Variants in NCF4 observed in about 807,000 individuals in gnomAD.
The protein encoded by NCF4 is neutrophil cytosol factor 4.
NCF4 carries 30 observed loss-of-function variants against 41.7 expected under a neutral mutation model. The observed-to-expected ratio is 0.72, with a 90% CI of 0.54 to 0.97. NCF4 has a LOEUF of 0.97. Among genes scored for constraint, NCF4 ranks in the 50% least tolerant of loss-of-function variants. The pLI is 0.00. For missense variants in NCF4, 432 were observed against 460.9 expected (o/e 0.94, Z 0.57); for synonymous variants, 195 against 175.8 (o/e 1.11, Z -0.87).
chr22:36,877,871 A>G lies in NCF4; in HGVS notation c.*48A>G, dbSNP rs748451564. 3 of 1,555,194 alleles carry G rather than the reference A, an allele frequency of 1.9e-6. No individual in the cohort carries two copies. Among genetic ancestry groups the G allele is most frequent in the Non-Finnish European group, 2.6e-6 (3 of 1,141,904 alleles). ...TGAGGGGACACCAGCAAAAACCTTC[A>G]GCTCTCAGAGGAGATTGGGACCAGG... On this transcript the variant is annotated 3_prime_UTR_variant, in exon 10 of 10. Coordinates refer to ENST00000248899, the MANE Select transcript of NCF4 (RefSeq NM_000631.5).
chr22:36,864,892 C>G, intron 2 of NCF4, 27 bp from the exon 3 acceptor site: 3 of 1,613,796 alleles, frequency 1.9e-6, no homozygotes, highest in Non-Finnish European at 2.5e-6. Context: ...GCCCCTGAGC[C>G]CTCCCCACAA....
rs1349928484 is a variant in NCF4, at chr22:36,865,919, A to G, written c.271+847A>G. On this transcript the variant is annotated intron_variant, in intron 3 of 9. Coordinates refer to ENST00000248899, the MANE Select transcript of NCF4 (RefSeq NM_000631.5). The surrounding 1 kb of genome is among the most constrained non-coding windows in gnomAD (Gnocchi z 4.3). ...GAAGCTCCCCCTAGGAGTCTTGCCTACTCTAAGCCAGCCTCCCCTCTCAGG... is the reference window on the plus strand; with the variant it reads ...GAAGCTCCCCCTAGGAGTCTTGCCTGCTCTAAGCCAGCCTCCCCTCTCAGG... Among the ~76,000 whole-genome samples the G allele has an allele frequency of 6.6e-6, 1 of 151,368 alleles. No homozygotes were observed. The highest frequency in any genetic ancestry group is 1.5e-5 in the Non-Finnish European group (1 of 67,824).
intron 6 of NCF4, chr22:36,872,104 C>G: frequency 1.4e-6 from 1 of 709,274 alleles, no homozygotes; most frequent in Non-Finnish European, 2.6e-6. Context: ...TGTGTGCTCA[C>G]CCCCACCAGG....
chr22:36,871,905 T>C (rs1013166732), intron 6 of NCF4, among the ~76,000 whole-genome samples, 196 bp downstream of exon 6: 8 of 152,356 alleles, frequency 5.3e-5, no homozygotes, highest in Admixed American at 4.6e-4. Flanking sequence ...GGAGGGCATG[T>C]GACCAGCGTG....
rs10671614 is a variant in NCF4, at chr22:36,867,142, T to TGTGTGC, written c.272-249_272-248insTGTGCG. On this transcript the variant is annotated intron_variant, in intron 3 of 9. Coordinates refer to ENST00000248899, the MANE Select transcript of NCF4 (RefSeq NM_000631.5). ...GTGTGTGTGTGTGTGTGTGTGTGTGTGCGCTTGGATGAACAGGCAGTAAAT... is the reference window on the plus strand; with the variant it reads ...GTGTGTGTGTGTGTGTGTGTGTGTGTGTGTGCGCGCTTGGATGAACAGGCAGTAAAT... Among the ~76,000 whole-genome samples, 145 of 150,654 alleles carry TGTGTGC rather than the reference T, an allele frequency of 9.6e-4. 1 individual carries two copies. Among genetic ancestry groups the TGTGTGC allele is most frequent in the South Asian group, 4.4e-3 (21 of 4,764 alleles).
At position 36,861,171 on chromosome 22, in the gene NCF4, C is replaced by T; in HGVS notation, c.-1C>T. ...CCTGCTCCCTGGGACCATCGCCCAC[C>T]ATGGCTGTGGCCCAGCAGCTGCGGG... On this transcript the variant is annotated 5_prime_UTR_variant, in exon 1 of 10. Coordinates refer to ENST00000248899, the MANE Select transcript of NCF4 (RefSeq NM_000631.5). The T allele has an allele frequency of 6.4e-7, 1 of 1,551,504 alleles. No homozygotes were observed. Among genetic ancestry groups the T allele is most frequent in the Non-Finnish European group, 8.7e-7 (1 of 1,146,830 alleles).
chr22:36,866,883 C>T (rs938201601), intron 3 of NCF4, among the ~76,000 whole-genome samples: 1 of 152,142 alleles, frequency 6.6e-6, no homozygotes, highest in African/African-American at 2.4e-5. Flanking sequence ...TGGTTCTTAA[C>T]TTTGGTGGTA....
rs1269336933 is a variant in NCF4 at position 36,872,518 on chromosome 22, GAGGTGAGGATGA to G, written c.627+102_627+113del. The G allele has an allele frequency of 2.9e-5, 30 of 1,042,616 alleles. 1 individual carries two copies. In the Admixed American group the frequency reaches 5.3e-4, roughly 18 times the overall value. The allele number at this position is 1,042,616 out of a possible 1,614,324, so 64.6% of individuals were successfully genotyped here. A position where few individuals can be genotyped will look rare whatever the true frequency, so the allele number is the denominator to read the frequency against. On this transcript the variant is annotated intron_variant, in intron 7 of 9. Transcript: ENST00000248899. ...AGAGGTGAGGGTGGAAGTGCAATTG[GAGGTGAGGATGA>G]AGGTGAGGGTGGAGGTGAGATTGGA...
intron 7 of NCF4, among the ~76,000 whole-genome samples, chr22:36,875,179 A>G (rs1940165473): frequency 6.6e-6 from 1 of 151,958 alleles, no homozygotes; most frequent in Non-Finnish European, 1.5e-5. Flanking sequence ...ACAGGCCCGC[A>G]CCAACACGCT....
At chr22:36,862,643 G>A (rs1291392132) in intron 1 of NCF4, among the ~76,000 whole-genome samples, 11 of 152,216 alleles carry the variant, frequency 7.2e-5, no homozygotes, top group Non-Finnish European at 8.8e-5. Context: ...CCTTGAGCCA[G>A]GTACTAGGGG....
Position 36,865,167 on chromosome 22 carries a change from G to A in NCF4, c.271+95G>A. 2 of 1,539,696 alleles carry A rather than the reference G, an allele frequency of 1.3e-6. No individual in the cohort carries two copies. The highest frequency in any genetic ancestry group is 1.8e-6 in the Non-Finnish European group (2 of 1,134,252). Reference sequence around the variant, plus strand: ...GTTCTGTGATTTGATCTCAACCCCAGTGAAAACTGTTCATGTAGTTTATAG... The same window carrying A: ...GTTCTGTGATTTGATCTCAACCCCAATGAAAACTGTTCATGTAGTTTATAG... On this transcript the variant is annotated intron_variant, in intron 3 of 9. Transcript: ENST00000248899. The surrounding 1 kb of genome is among the most constrained non-coding windows in gnomAD (Gnocchi z 4.3).
intron 6 of NCF4, 38 bp downstream of exon 6, chr22:36,871,747 G>T (rs1289406423): frequency 1.3e-6 from 2 of 1,549,262 alleles, no homozygotes; most frequent in Non-Finnish European, 1.7e-6. Context: ...CTCTCACACT[G>T]TGGGCATCTG....
intron 3 of NCF4, 43 bp from the exon 4 acceptor site, chr22:36,867,349 A>G (rs1451376771): frequency 1.2e-6 from 2 of 1,610,650 alleles, no homozygotes; most frequent in Non-Finnish European, 1.7e-6. Flanking sequence ...CCCCGGGGCC[A>G]TGTTGGGCCA....
At chr22:36,876,451 T>G (rs1940195982) in intron 9 of NCF4, among the ~76,000 whole-genome samples, 1 of 152,226 alleles carries the variant, frequency 6.6e-6, no homozygotes, top group Admixed American at 6.5e-5. Context: ...TACAGAATGG[T>G]AACCGCATTG....
Position 36,876,032 on chromosome 22 carries a change from C to T in NCF4, c.762C>T (p.Asp254=), listed in dbSNP as rs1034655088. The change falls in exon 9 of 10, where the codon GAC becomes GAT. Residue 254 remains aspartate, a synonymous_variant. Transcript: ENST00000248899. ...YYEDTISTIK[D]IAVEEDLSST... ...CTCCAGCCTGTCACCCCCTTAGGGA[C>T]ATCGCGGTGGAGGAAGATCTCAGCA... 6.2e-7 allele frequency: 1 copy of T among 1,613,086 alleles called. No individual in the cohort carries two copies. Among genetic ancestry groups the T allele is most frequent in the South Asian group, 1.1e-5 (1 of 91,068 alleles).
intron 4 of NCF4, among the ~76,000 whole-genome samples, chr22:36,869,533 C>T (rs748011458): frequency 1.3e-5 from 2 of 152,176 alleles, no homozygotes; most frequent in African/African-American, 4.8e-5. Context: ...AGTTCCCCGA[C>T]CCCACCTCAT....
intron 1 of NCF4, among the ~76,000 whole-genome samples, chr22:36,862,736 G>T (rs1416037376): frequency 1.3e-5 from 2 of 152,242 alleles, no homozygotes; most frequent in Non-Finnish European, 2.9e-5. Flanking sequence ...GAGAGTACAA[G>T]GAGAGGGCGC....
At position 36,868,874 on chromosome 22, in the gene NCF4, G is replaced by A. The variant is rs117759314; in HGVS notation, c.342+1412G>A. ...CTGTGCTTGCATACCCTCAGAGATG[G>A]GGAGCTCACTACCACTCCGCCCTGA... On this transcript the variant is annotated intron_variant, in intron 4 of 9. Coordinates refer to ENST00000248899, the MANE Select transcript of NCF4 (RefSeq NM_000631.5). Among the ~76,000 whole-genome samples, 22 of 152,186 alleles carry A rather than the reference G, an allele frequency of 1.4e-4. No homozygotes were observed. The East Asian group carries it at 4.1e-3, about 28-fold the overall frequency.
At chr22:36,875,547 G>A (rs1419138546) in intron 7 of NCF4, 106 bp from the exon 8 acceptor site, 2 of 1,024,272 alleles carry the variant, frequency 2.0e-6, no homozygotes, top group Non-Finnish European at 3.0e-6. Flanking sequence ...AGAAGACCCG[G>A]ACCTCATCTG....
Sources: allele counts gnomAD v4.1 joint callset (sites outside exome capture counted in the v4.1 genomes callset), GRCh38; gene constraint gnomAD v4.1.1; non-coding constraint Gnocchi (gnomAD v3.1); transcripts MANE v1.5; gene names NCBI Gene and HGNC (gene_info 2026-07-23, HGNC 2026-07-21).